PRKD1: variants seen among roughly 807,000 people sequenced by gnomAD.
The protein encoded by PRKD1 is serine/threonine-protein kinase D1.
Under a neutral mutation model 95.9 loss-of-function variants are expected in PRKD1, and 63 were observed. The observed-to-expected ratio is 0.66, with a 90% CI of 0.54 to 0.81. The LOEUF is 0.81. Ranked by LOEUF, PRKD1 falls within the 30% of genes least tolerant of loss-of-function variation. PRKD1 has a pLI of 0.00. For missense variants in PRKD1, 1,048 were observed against 1,165.3 expected, an observed-to-expected ratio of 0.90 and a Z score of 1.47; for synonymous variants, 425 against 423.1, an observed-to-expected ratio of 1.00 and a Z score of -0.05.
chr14:29,806,125 G>A (rs542208397), intron 1 of PRKD1, among the ~76,000 whole-genome samples: 1 of 152,220 alleles, frequency 6.6e-6, no homozygotes, highest in South Asian at 2.1e-4. Context: ...ACCACTGGAG[G>A]ACACAAACAG....
rs1555348468 is a variant in PRKD1, at chr14:29,826,669, ATGTG to A, written c.264+100576_264+100579del. ...TATATATATGTGTGTGTGTGTATAT[ATGTG>A]TATATATATATACACACATATATAT... On this transcript the variant is annotated intron_variant, in intron 1 of 17. Transcript: ENST00000331968. Among the ~76,000 whole-genome samples the A allele has an allele frequency of 4.8e-4, 44 of 90,808 alleles. 4 individuals are homozygous for A. The East Asian group carries it at 0.015, about 32-fold the overall frequency. 59.6% of individuals were successfully genotyped at this position (90,808 alleles called of 152,430 possible).
intron 1 of PRKD1, among the ~76,000 whole-genome samples, chr14:29,897,046 C>T (rs555693974): frequency 6.6e-6 from 1 of 151,574 alleles, no homozygotes; most frequent in African/African-American, 2.4e-5. Flanking sequence ...TCCTACTAGC[C>T]AGATAAAACC....
chr14:29,621,571 T>C (rs1005270168), intron 13 of PRKD1, among the ~76,000 whole-genome samples: 2 of 152,156 alleles, frequency 1.3e-5, no homozygotes, highest in Non-Finnish European at 2.9e-5. Context: ...ATTATCTGTA[T>C]ATGATTAAAC....
At chr14:29,701,099 T>C (rs1357963243) in intron 2 of PRKD1, among the ~76,000 whole-genome samples, 2 of 152,202 alleles carry the variant, frequency 1.3e-5, no homozygotes, top group South Asian at 4.1e-4. Flanking sequence ...CCACAATGTC[T>C]ACTTTAGTAC....
intron 11 of PRKD1, 87 bp from the exon 12 acceptor site, chr14:29,626,643 A>G: frequency 1.2e-5 from 8 of 643,000 alleles, no homozygotes; most frequent in Non-Finnish European, 1.8e-5. Flanking sequence ...TAAATATATT[A>G]TAAACTAAGT....
In PRKD1 at chr14:29,853,189, A is replaced by G. The variant is rs114886469; in HGVS notation, c.264+74060T>C. Among the ~76,000 whole-genome samples, 508 of 152,332 alleles carry G rather than the reference A, an allele frequency of 3.3e-3. 7 individuals carry two copies. Among genetic ancestry groups the G allele is most frequent in the African/African-American group, 0.011 (469 of 41,568 alleles). On this transcript the variant is annotated intron_variant, in intron 1 of 17. Transcript: ENST00000331968. ...TTCAATTCAGCATGAAAACATAACA[A>G]TCATAAATGTTCATACACCTAATAA...
chr14:29,887,983 C>T (rs2139407375), intron 1 of PRKD1, among the ~76,000 whole-genome samples: 1 of 152,270 alleles, frequency 6.6e-6, no homozygotes, highest in Middle Eastern at 3.4e-3. Flanking sequence ...AAGTCTCATT[C>T]TGTTAGACTT....
chr14:29,824,731 A>G (rs1156591726), intron 1 of PRKD1, among the ~76,000 whole-genome samples: 5 of 152,166 alleles, frequency 3.3e-5, no homozygotes, highest in Admixed American at 3.3e-4. Flanking sequence ...TGTTAAATAC[A>G]TTCTTTACTG....
In PRKD1 at chr14:29,704,641, C is replaced by T. The variant is rs1363762568; in HGVS notation, c.403+20895G>A. Among the ~76,000 whole-genome samples, 3 of 152,068 alleles carry T rather than the reference C, an allele frequency of 2.0e-5. No homozygotes were observed. In the East Asian group the frequency reaches 5.8e-4, roughly 29 times the overall value. On this transcript the variant is annotated intron_variant, in intron 2 of 17. Coordinates refer to ENST00000331968, the MANE Select transcript of PRKD1 (RefSeq NM_002742.3). The stretch of plus-strand genomic sequence containing the variant: ...GTTGTTTCAATACAAATCTCAAGAG[C>T]ATTCACGTGGGAGCCTGTGTATCCC...
rs1456508413 is a variant in PRKD1 at position 29,630,895 on chromosome 14, C to T, written c.1519G>A (p.Val507Met). 5 of 1,614,128 alleles carry T rather than the reference C, an allele frequency of 3.1e-6. No homozygotes were observed. The highest frequency in any genetic ancestry group is 4.2e-6 in the Non-Finnish European group (5 of 1,180,000). The change falls in exon 10 of 18, where the codon GTG (valine) becomes ATG (methionine). Residue 507 changes from valine (V) to methionine (M), a missense_variant. Val to Met is a conservative substitution (Grantham distance 21). Coordinates refer to ENST00000331968, the MANE Select transcript of PRKD1 (RefSeq NM_002742.3). The part of the protein sequence containing the change: ...ANVVYYVGEN[V>M]VNPSSPSPNN... Reference sequence around the variant, plus strand: ...GGTGATGGGCTGGAAGGATTGACCACATTTTCTCCCACATAATACACTACA... The same window carrying T: ...GGTGATGGGCTGGAAGGATTGACCATATTTTCTCCCACATAATACACTACA...
At chr14:29,725,482 C>G in intron 2 of PRKD1, 54 bp downstream of exon 2, 1 of 1,577,828 alleles carries the variant, frequency 6.3e-7, no homozygotes, top group Non-Finnish European at 8.6e-7. Flanking sequence ...CCCAAGAATT[C>G]TTCAAATACA....
intron 2 of PRKD1, among the ~76,000 whole-genome samples, chr14:29,678,899 A>G (rs1883377926): frequency 6.6e-6 from 1 of 152,250 alleles, no homozygotes; most frequent in Admixed American, 6.5e-5. Flanking sequence ...AGAAATGATA[A>G]GCATTAAAAT....
At chr14:29,735,962 T>G (rs192692332) in intron 1 of PRKD1, among the ~76,000 whole-genome samples, 368 of 152,354 alleles carry the variant, frequency 2.4e-3, no homozygotes, top group Non-Finnish European at 2.6e-3. Context: ...AAAGCTATCA[T>G]TTAAACACTA....
intron 1 of PRKD1, among the ~76,000 whole-genome samples, chr14:29,794,859 T>G (rs867455314): frequency 6.6e-6 from 1 of 152,128 alleles, no homozygotes; most frequent in Non-Finnish European, 1.5e-5. Context: ...CCAATATTGA[T>G]AAATTCTTCT....
intron 2 of PRKD1, among the ~76,000 whole-genome samples, chr14:29,715,380 A>G (rs1374172988): frequency 1.4e-4 from 21 of 152,034 alleles, no homozygotes. Context: ...TCTCTATTGA[A>G]CACTTGAAAT....
intron 16 of PRKD1, among the ~76,000 whole-genome samples, chr14:29,589,627 T>C (rs922349361): frequency 7.9e-5 from 12 of 151,922 alleles, no homozygotes; most frequent in Non-Finnish European, 1.6e-4. Context: ...ATAAATATTA[T>C]ATATTATTTA....
chr14:29,608,061 A>G (rs1278124760), intron 13 of PRKD1, among the ~76,000 whole-genome samples: 3 of 152,194 alleles, frequency 2.0e-5, no homozygotes, highest in Admixed American at 2.0e-4. Context: ...AACATATTCA[A>G]ATATACTCAA....
chr14:29,752,491 T>C (rs1440851498), intron 1 of PRKD1, among the ~76,000 whole-genome samples: 3 of 152,012 alleles, frequency 2.0e-5, no homozygotes, highest in South Asian at 2.1e-4. Flanking sequence ...GTGAAGTCAG[T>C]AGGTGGATTT....
At position 29,927,557 on chromosome 14, in the gene PRKD1, C is replaced by A; in HGVS notation, c.-45G>T. 3 of 1,124,426 alleles carry A rather than the reference C, an allele frequency of 2.7e-6. No homozygotes were observed. Among genetic ancestry groups the A allele is most frequent in the Non-Finnish European group, 3.3e-6 (3 of 919,920 alleles). 69.7% of individuals were successfully genotyped at this position (1,124,426 alleles called of 1,614,324 possible). On this transcript the variant is annotated 5_prime_UTR_variant, in exon 1 of 18. Transcript: ENST00000331968. ...CCGGGCAGCGGAGGGCGGGGGCTGG[C>A]GGCGCGGCAGCAGGAAAGTTTTGCA...
Sources: allele counts gnomAD v4.1 joint callset (sites outside exome capture counted in the v4.1 genomes callset), GRCh38; gene constraint gnomAD v4.1.1; transcripts MANE v1.5; gene names NCBI Gene and HGNC (gene_info 2026-07-23, HGNC 2026-07-21).